The following ANO3 variants were observed in gnomAD, a reference collection of about 807,000 sequenced individuals.
ANO3 encodes anoctamin-3.
ANO3 carries 99 observed loss-of-function variants against 144.8 expected under a neutral mutation model. That is an observed-to-expected ratio of 0.68 (90% CI 0.58 to 0.81). The LOEUF (loss-of-function observed/expected upper bound fraction) is 0.81, where lower values mean the gene tolerates loss of function less well. ANO3 is among the 30% of genes least tolerant of loss of function. The pLI is 0.00. For missense variants in ANO3, 905 were observed against 1,202.2 expected (o/e 0.75, Z 3.66); for synonymous variants, 414 against 392.6 (o/e 1.05, Z -0.64).
intron 1 of ANO3, among the ~76,000 whole-genome samples, chr11:26,262,760 A>T (rs1335731066): frequency 6.6e-6 from 1 of 151,542 alleles, no homozygotes; most frequent in Non-Finnish European, 1.5e-5. Context: ...AGAGAGAGAG[A>T]TTCTCTTTCA....
At chr11:26,529,695 T>G (rs982716317) in intron 7 of ANO3, among the ~76,000 whole-genome samples, 2 of 151,146 alleles carry the variant, frequency 1.3e-5, no homozygotes, top group East Asian at 3.9e-4. Context: ...AAACCCATAG[T>G]GTGTAAATAT....
At chr11:26,434,198 T>A (rs767193803) in intron 1 of ANO3, among the ~76,000 whole-genome samples, 29 of 152,272 alleles carry the variant, frequency 1.9e-4, no homozygotes, top group Non-Finnish European at 3.8e-4. Context: ...GTTTTCCAGT[T>A]TGTGTGCCTA....
chr11:26,451,977 G>T (rs572344718), intron 3 of ANO3, among the ~76,000 whole-genome samples: 14 of 152,234 alleles, frequency 9.2e-5, no homozygotes, highest in Non-Finnish European at 1.8e-4. Flanking sequence ...AGGCAAACAG[G>T]GTCTGGAGTG....
At chr11:26,657,878 G>T (rs1047848266) in intron 26 of ANO3, among the ~76,000 whole-genome samples, 14 of 152,050 alleles carry the variant, frequency 9.2e-5, no homozygotes, top group African/African-American at 3.4e-4. Context: ...CCTTTGTCAG[G>T]TGGATAGTTT....
At chr11:26,577,337 G>A (rs554868701) in intron 14 of ANO3, among the ~76,000 whole-genome samples, 36 of 152,096 alleles carry the variant, frequency 2.4e-4, no homozygotes, top group South Asian at 1.2e-3. Flanking sequence ...GCTGCGGTGG[G>A]CGGATCACCT....
At chr11:26,476,155 A>G (rs993257215) in intron 4 of ANO3, among the ~76,000 whole-genome samples, 2 of 152,128 alleles carry the variant, frequency 1.3e-5, no homozygotes, top group Non-Finnish European at 2.9e-5. Context: ...CAGACTCTAT[A>G]CTAATCTGGG....
At chr11:26,289,986 T>C (rs1853917906) in intron 1 of ANO3, among the ~76,000 whole-genome samples, 1 of 151,932 alleles carries the variant, frequency 6.6e-6, no homozygotes, top group Admixed American at 6.6e-5. Flanking sequence ...GAAGAAATGG[T>C]ATCAGCTCCT....
intron 5 of ANO3, among the ~76,000 whole-genome samples, chr11:26,514,297 T>G (rs569460007): frequency 7.9e-4 from 120 of 152,170 alleles, no homozygotes; most frequent in African/African-American, 2.7e-3. Flanking sequence ...ACAAAAAGAT[T>G]CAAGCTTTGT....
chr11:26,563,242 A>G (rs372461913), intron 14 of ANO3: 1 of 1,606,882 alleles, frequency 6.2e-7, no homozygotes, highest in Non-Finnish European at 8.5e-7. Flanking sequence ...ATGGCCCCGA[A>G]TACTATTCCT....
chr11:26,225,101 A>C (rs1852230491), intron 1 of ANO3, among the ~76,000 whole-genome samples: 1 of 152,180 alleles, frequency 6.6e-6, no homozygotes, highest in African/African-American at 2.4e-5. Flanking sequence ...AAATCTGCAT[A>C]ATCTTTTGTG....
chr11:26,425,417 T>C (rs1273073338), intron 1 of ANO3, among the ~76,000 whole-genome samples: 1 of 151,998 alleles, frequency 6.6e-6, no homozygotes, highest in African/African-American at 2.4e-5. Flanking sequence ...TTAATACATT[T>C]GAAGAGTTCT....
intron 1 of ANO3, among the ~76,000 whole-genome samples, chr11:26,408,351 G>T (rs942210948): frequency 2.0e-5 from 3 of 151,874 alleles, no homozygotes; most frequent in Non-Finnish European, 2.9e-5. Context: ...AGACATTTAT[G>T]CAGCCAAAAA....
Position 26,363,718 on chromosome 11 carries a change from A to G in ANO3, c.46+31397A>G, listed in dbSNP as rs1217413696. ...GGATATATTCTTGGGTTGTTTTTAT[A>G]TTGTTGAGGCAAACTGCACTGCTTC... On this transcript the variant is annotated intron_variant, in intron 1 of 26. Transcript: ENST00000256737. Among the ~76,000 whole-genome samples the G allele has an allele frequency of 2.6e-5, 4 of 152,024 alleles. No individual in the cohort carries two copies. In the East Asian group the frequency reaches 5.8e-4, roughly 22 times the overall value.
chr11:26,392,318 T>TTCAA (rs1856903696), intron 1 of ANO3, among the ~76,000 whole-genome samples: 1 of 151,704 alleles, frequency 6.6e-6, no homozygotes, highest in Non-Finnish European at 1.5e-5. Context: ...TTTTACACTG[T>TTCAA]ATTTAGAGTA....
chr11:26,259,414 C>T (rs1179111448), intron 1 of ANO3, among the ~76,000 whole-genome samples: 2 of 152,030 alleles, frequency 1.3e-5, no homozygotes, highest in Non-Finnish European at 2.9e-5. Context: ...CTTTGGGAGG[C>T]CGAGGCAGGC....
intron 1 of ANO3, among the ~76,000 whole-genome samples, chr11:26,321,430 C>A (rs1030402621): frequency 2.6e-5 from 4 of 151,814 alleles, no homozygotes; most frequent in Admixed American, 2.6e-4. Context: ...TATTATTATT[C>A]CCTTGCACTT....
chr11:26,362,673 C>A (rs1855958919), intron 1 of ANO3, among the ~76,000 whole-genome samples: 1 of 152,160 alleles, frequency 6.6e-6, no homozygotes, highest in Non-Finnish European at 1.5e-5. Flanking sequence ...GAAAGACCTT[C>A]CTGTGAACTC....
intron 4 of ANO3, among the ~76,000 whole-genome samples, chr11:26,489,164 C>T (rs996246169): frequency 6.6e-5 from 10 of 152,022 alleles, no homozygotes; most frequent in Non-Finnish European, 1.3e-4. Flanking sequence ...GTGCTGTGTG[C>T]AGCCTAGGGA....
intron 17 of ANO3, among the ~76,000 whole-genome samples, chr11:26,605,527 T>A (rs1484770029): frequency 2.6e-5 from 4 of 152,224 alleles, no homozygotes; most frequent in African/African-American, 9.6e-5. Flanking sequence ...GTACCTCTGG[T>A]AGAATTCGGC....
Sources: gnomAD v4.1 joint callset for allele counts (sites outside exome capture counted in the v4.1 genomes callset) on GRCh38, gnomAD v4.1.1 for gene constraint, MANE v1.5 for transcripts, NCBI Gene and HGNC (gene_info 2026-07-23, HGNC 2026-07-21) for gene names.